Variants in SPINK1 observed in about 807,000 individuals in gnomAD.
The protein encoded by SPINK1 is serine protease inhibitor Kazal-type 1.
A neutral mutation model predicts 9.5 loss-of-function variants in SPINK1; 5 were observed. The ratio of observed to expected loss-of-function variants is 0.52; its 90% CI spans 0.27 to 1.10. The LOEUF (loss-of-function observed/expected upper bound fraction) is 1.10. SPINK1 is among the 50% of genes least tolerant of loss of function. SPINK1 has a pLI of 0.11. For missense variants in SPINK1, 88 were observed against 92.7 expected (o/e 0.95, Z 0.21); for synonymous variants, 37 against 32.3 (o/e 1.14, Z -0.49).
rs554303252 is a variant in SPINK1 at position 147,831,337 on chromosome 5, T to C, written c.55+186A>G. 2.0e-5 allele frequency among the ~76,000 whole-genome samples: 3 copies of C among 152,352 alleles called. No individual in the cohort carries two copies. The South Asian group carries it at 6.2e-4, about 32-fold the overall frequency. On this transcript the variant is annotated intron_variant, in intron 1 of 3. Coordinates refer to ENST00000296695, the MANE Select transcript of SPINK1 (RefSeq NM_001379610.1). ...GGGAATTTCTTACTAGTAGAATTGT[T>C]TTCCTTATAGTAGGTTAAAAATTCC...
At chr5:147,831,706 G>T, upstream of SPINK1, 1 of 1,527,100 alleles carries the variant, frequency 6.5e-7, no homozygotes. Flanking sequence ...CTATATCACA[G>T]ATCTCCCTGG....
At chr5:147,838,862 C>A in the SPINK1 span, among the ~76,000 whole-genome samples, 2 of 152,044 alleles carry the variant, frequency 1.3e-5, no homozygotes, top group Admixed American at 1.3e-4. Context: ...CCCACGGTTC[C>A]CCATGGTCTC....
chr5:147,831,269 C>T (rs1204081546), intron 1 of SPINK1, among the ~76,000 whole-genome samples: 1 of 152,108 alleles, frequency 6.6e-6, no homozygotes, highest in Non-Finnish European at 1.5e-5. Flanking sequence ...CATATCCCAA[C>T]AAAGGGTCAG....
chr5:147,827,681 T>C (rs1756433007), intron 3 of SPINK1: 1 of 183,280 alleles, frequency 5.5e-6, no homozygotes, highest in Non-Finnish European at 1.1e-5. Flanking sequence ...TTTTTGGTTA[T>C]ATAATCTATA....
chr5:147,836,296 TTGTG>T (rs58122057), upstream of SPINK1, among the ~76,000 whole-genome samples: 3,949 of 146,390 alleles, frequency 0.027, 147 homozygotes, highest in African/African-American at 0.091. Flanking sequence ...ATTTACTGAT[TTGTG>T]TGTGTGTGTG....
intron 3 of SPINK1, 38 bp downstream of exon 3, chr5:147,827,984 A>T: frequency 6.7e-7 from 1 of 1,489,220 alleles, no homozygotes; most frequent in Non-Finnish European, 9.3e-7. Context: ...AACTAACTTA[A>T]AATATATAGT....
intron 2 of SPINK1, 121 bp downstream of exon 2, chr5:147,829,478 C>T (rs948985536): frequency 2.2e-6 from 2 of 897,032 alleles, no homozygotes; most frequent in African/African-American, 3.3e-5. Flanking sequence ...CACGTTAACC[C>T]TCCCTAGCAT....
At chr5:147,826,445 C>A (rs1250940173) in intron 3 of SPINK1, among the ~76,000 whole-genome samples, 1 of 152,118 alleles carries the variant, frequency 6.6e-6, no homozygotes, top group African/African-American at 2.4e-5. Flanking sequence ...TAGTTTTGAA[C>A]AAATAGAAAG....
upstream of SPINK1, among the ~76,000 whole-genome samples, chr5:147,832,661 G>A (rs540841891): frequency 2.6e-5 from 4 of 152,090 alleles, no homozygotes; most frequent in African/African-American, 9.6e-5. Context: ...CCTTAAATTG[G>A]CCTGTGGAAA....
upstream of SPINK1, among the ~76,000 whole-genome samples, chr5:147,835,168 G>T (rs190306710): frequency 5.0e-3 from 766 of 152,166 alleles, 1 homozygote; most frequent in Non-Finnish European, 8.6e-3. Context: ...TTATAAATCT[G>T]CCATTTCAAC....
intron 3 of SPINK1, among the ~76,000 whole-genome samples, chr5:147,825,069 C>T (rs1280043703): frequency 1.3e-5 from 2 of 152,160 alleles, no homozygotes; most frequent in East Asian, 3.9e-4. Flanking sequence ...CAGCTGATGC[C>T]TGAGCTATTG....
chr5:147,833,630 T>A (rs1355606426), upstream of SPINK1, among the ~76,000 whole-genome samples: 1 of 152,198 alleles, frequency 6.6e-6, no homozygotes, highest in South Asian at 2.1e-4. Flanking sequence ...TAGCTTCCAC[T>A]GTCATATCTA....
upstream of SPINK1, among the ~76,000 whole-genome samples, chr5:147,836,650 A>G (rs562980213): frequency 6.6e-6 from 1 of 152,096 alleles, no homozygotes; most frequent in East Asian, 1.9e-4. Flanking sequence ...GATTGCAAAG[A>G]ATTGCATCAC....
chr5:147,825,560 G>A (rs1055746254), intron 3 of SPINK1, among the ~76,000 whole-genome samples: 3 of 151,712 alleles, frequency 2.0e-5, no homozygotes, highest in East Asian at 3.9e-4. Flanking sequence ...TCCTGCCTCA[G>A]CCTCCCAAGT....
intron 3 of SPINK1, chr5:147,826,977 C>T (rs539342919): frequency 6.6e-6 from 1 of 152,224 alleles, no homozygotes; most frequent in South Asian, 2.1e-4. Flanking sequence ...TCGTGGAATC[C>T]CTTTTATTTG....
At chr5:147,836,887 A>G in the SPINK1 span, among the ~76,000 whole-genome samples, 2 of 152,158 alleles carry the variant, frequency 1.3e-5, no homozygotes, top group Non-Finnish European at 2.9e-5. Flanking sequence ...ACCATATCTA[A>G]CAAGTTCTTT....
chr5:147,828,014 G>T lies in SPINK1; in HGVS notation c.194+8C>A, dbSNP rs1173476400. 11 of 1,600,478 alleles carry T rather than the reference G, an allele frequency of 6.9e-6. No homozygotes were observed. The East Asian group carries it at 2.0e-4, about 29-fold the overall frequency. ...TATAGTTTAAAAGAAACTCAAGTTT[G>T]TACTCACCGATTTTCAAAACATAAC... On this transcript the variant is annotated splice_region_variant and intron_variant, in intron 3 of 3. Transcript: ENST00000296695.
chr5:147,827,626 G>T (rs1741856610), intron 3 of SPINK1: 1 of 177,036 alleles, frequency 5.6e-6, no homozygotes, highest in African/African-American at 2.4e-5. Flanking sequence ...CTGAGGAAAT[G>T]AAGCTTTACT....
chr5:147,827,096 G>A (rs1756420783), intron 3 of SPINK1: 1 of 150,900 alleles, frequency 6.6e-6, no homozygotes, highest in Non-Finnish European at 1.5e-5. Context: ...TTTTTTTTAA[G>A]ATGGAGTCTC....
Sources: gnomAD v4.1 joint callset for allele counts (sites outside exome capture counted in the v4.1 genomes callset) on GRCh38, gnomAD v4.1.1 for gene constraint, MANE v1.5 for transcripts, NCBI Gene and HGNC (gene_info 2026-07-23, HGNC 2026-07-21) for gene names.